Variants in CNTNAP3 observed in about 807,000 individuals in gnomAD.
CNTNAP3 encodes contactin-associated protein-like 3.
In CNTNAP3, 36 loss-of-function variants were observed where a neutral mutation model predicts 92.1. The ratio of observed to expected loss-of-function variants is 0.39; its 90% CI spans 0.30 to 0.52. The LOEUF is 0.52. CNTNAP3 is among the 20% of genes least tolerant of loss of function. The probability of loss-of-function intolerance (pLI) is 0.76; values close to 1 mark genes in which losing one functional copy is unlikely to be tolerated. For missense variants in CNTNAP3, 534 were observed against 1,069.6 expected, an observed-to-expected ratio of 0.50 and a Z score of 6.98; for synonymous variants, 232 against 422.3, an observed-to-expected ratio of 0.55 and a Z score of 5.53.
In CNTNAP3 at chr9:39,067,399, G is replaced by A. The variant is rs1825531713; in HGVS notation, c.*6491C>T. 5.3e-5 allele frequency among the ~76,000 whole-genome samples: 8 copies of A among 152,202 alleles called. No individual in the cohort carries two copies. The highest frequency in any genetic ancestry group is 2.9e-5 in the Non-Finnish European group (2 of 68,044). ...CCAGACATTGTGATTTTACCTCGTT[G>A]GGTGTTGGATTTTTTTTTGATGGAG... is the stretch of plus-strand genomic sequence containing the variant. On this transcript the variant is annotated 3_prime_UTR_variant, in exon 24 of 24. Transcript: ENST00000297668.
At chr9:39,084,285 T>C (rs890065191) in intron 21 of CNTNAP3, among the ~76,000 whole-genome samples, 2 of 147,366 alleles carry the variant, frequency 1.4e-5, no homozygotes, top group Non-Finnish European at 3.0e-5. Context: ...CTCCGCCTCC[T>C]GGGTTCACGC....
intron 13 of CNTNAP3, among the ~76,000 whole-genome samples, chr9:39,125,831 TA>T (rs1266305839): frequency 2.0e-5 from 3 of 151,988 alleles, no homozygotes; most frequent in African/African-American, 7.3e-5. Flanking sequence ...CAAAATATAT[TA>T]GGGGGAAACT....
intron 2 of CNTNAP3, among the ~76,000 whole-genome samples, chr9:39,248,598 T>TTC (rs1269341187): frequency 3.7e-5 from 1 of 26,806 alleles, no homozygotes; most frequent in Admixed American, 4.6e-4. Context: ...TTTTACATTT[T>TTC]TTTTTACATT....
At chr9:39,116,291 C>A (rs952462407) in intron 14 of CNTNAP3, among the ~76,000 whole-genome samples, 2 of 152,134 alleles carry the variant, frequency 1.3e-5, no homozygotes, top group African/African-American at 4.8e-5. Context: ...TGGGGACAGA[C>A]CAATGAGCTG....
chr9:39,103,591 A>C (rs1399188441), intron 16 of CNTNAP3, 153 bp downstream of exon 16: 31 of 878,112 alleles, frequency 3.5e-5, no homozygotes, highest in African/African-American at 1.2e-4. Flanking sequence ...CCCTCTCTCA[A>C]AAAAAAAAAA....
intron 18 of CNTNAP3, among the ~76,000 whole-genome samples, chr9:39,091,130 G>A (rs1353591743): frequency 6.6e-6 from 1 of 151,184 alleles, no homozygotes; most frequent in Non-Finnish European, 1.5e-5. Context: ...CTCAAATAGA[G>A]ATAGTTTTAT....
At chr9:39,138,857 G>T (rs1821504845) in intron 12 of CNTNAP3, among the ~76,000 whole-genome samples, 3 of 152,050 alleles carry the variant, frequency 2.0e-5, no homozygotes, top group Admixed American at 6.5e-5. Flanking sequence ...CAATTTTGAG[G>T]GGCAGTGGTT....
In CNTNAP3 at chr9:39,070,426, T is replaced by G. The variant is rs1431865355; in HGVS notation, c.*3464A>C. Among the ~76,000 whole-genome samples, 1 of 142,756 alleles carries G rather than the reference T, an allele frequency of 7.0e-6. No individual in the cohort carries two copies. The highest frequency in any genetic ancestry group is 1.5e-5 in the Non-Finnish European group (1 of 66,160). The allele number at this position is 142,756 out of a possible 152,430, so 93.7% of individuals were successfully genotyped here. On this transcript the variant is annotated 3_prime_UTR_variant, in exon 24 of 24. Transcript: ENST00000297668. The stretch of plus-strand genomic sequence containing the variant: ...AGGCCAGGCATAGAAAGACAAACAT[T>G]GCCATGTTCTCATTTATTTGTGGGA...
intron 12 of CNTNAP3, among the ~76,000 whole-genome samples, chr9:39,139,527 C>A (rs1353719703): frequency 1.3e-5 from 2 of 152,138 alleles, no homozygotes; most frequent in Admixed American, 6.6e-5. Context: ...TTATTTGTTT[C>A]TTTTTCCTTG....
intron 1 of CNTNAP3, among the ~76,000 whole-genome samples, chr9:39,284,649 A>G (rs1397818487): frequency 1.9e-4 from 1 of 5,164 alleles, no homozygotes; most frequent in African/African-American, 3.1e-4. Flanking sequence ...TTTGAGACAG[A>G]GTCTCACTCT....
chr9:39,102,104 C>T (rs201266883), intron 17 of CNTNAP3, among the ~76,000 whole-genome samples: 15,506 of 137,820 alleles, frequency 0.11, 3 homozygotes, highest in East Asian at 0.25. Flanking sequence ...ATGGTAAAAC[C>T]GTGTCTCTAT....
intron 13 of CNTNAP3, among the ~76,000 whole-genome samples, chr9:39,120,040 A>G (rs1375111466): frequency 6.6e-6 from 1 of 152,232 alleles, no homozygotes; most frequent in Admixed American, 6.5e-5. Context: ...TACTGAAAAA[A>G]TACTGGCTGT....
intron 12 of CNTNAP3, among the ~76,000 whole-genome samples, chr9:39,134,867 C>T (rs1474147077): frequency 1.3e-5 from 2 of 152,200 alleles, no homozygotes; most frequent in African/African-American, 4.8e-5. Flanking sequence ...CAACCACATG[C>T]CATTTTTGGC....
At chr9:39,086,221 T>C (rs1487907997) in intron 20 of CNTNAP3, 5 of 259,116 alleles carry the variant, frequency 1.9e-5, no homozygotes, top group South Asian at 5.8e-5. Context: ...CCAATGCCGA[T>C]GACAATGTGT....
chr9:39,104,471 TACACATACAC>T (rs1554715569), intron 15 of CNTNAP3, among the ~76,000 whole-genome samples: 3 of 71,842 alleles, frequency 4.2e-5, no homozygotes, highest in African/African-American at 9.7e-5. Flanking sequence ...TTCCTGCACA[TACACATACAC>T]ACACACACAC....
chr9:39,124,428 A>G (rs376747709), intron 13 of CNTNAP3, among the ~76,000 whole-genome samples: 5,021 of 152,180 alleles, frequency 0.033, 226 homozygotes, highest in African/African-American at 0.1. Flanking sequence ...TATTAATCCA[A>G]GTATCAATAA....
intron 13 of CNTNAP3, among the ~76,000 whole-genome samples, chr9:39,130,331 A>G (rs1821249663): frequency 6.6e-6 from 1 of 152,096 alleles, no homozygotes; most frequent in Non-Finnish European, 1.5e-5. Context: ...ACTGATATAC[A>G]CAATTATGCA....
At chr9:39,083,611 A>C (rs543346199) in intron 21 of CNTNAP3, among the ~76,000 whole-genome samples, 7 of 146,150 alleles carry the variant, frequency 4.8e-5, no homozygotes, top group Non-Finnish European at 7.6e-5. Context: ...GTGAGCCGAG[A>C]TTGCGCCACT....
At chr9:39,088,295 C>T (rs1199156516) in intron 19 of CNTNAP3, 128 bp downstream of exon 19, 3 of 870,370 alleles carry the variant, frequency 3.4e-6, no homozygotes, top group Admixed American at 4.4e-5. Context: ...CACTGAAAAA[C>T]CAAACCCATT....
Sources: gnomAD v4.1 joint callset for allele counts (sites outside exome capture counted in the v4.1 genomes callset) on GRCh38, gnomAD v4.1.1 for gene constraint, MANE v1.5 for transcripts, NCBI Gene and HGNC (gene_info 2026-07-23, HGNC 2026-07-21) for gene names.